Variants in DNAI1 observed in about 807,000 individuals in gnomAD.
DNAI1 encodes the protein dynein axonemal intermediate chain 1.
DNAI1 carries 67 observed loss-of-function variants against 92.0 expected under a neutral mutation model. That is an observed-to-expected ratio of 0.73 (90% CI 0.60 to 0.89). The LOEUF (loss-of-function observed/expected upper bound fraction) is 0.89, where lower values mean the gene tolerates loss of function less well. Ranked by LOEUF, DNAI1 falls within the 40% of genes least tolerant of loss-of-function variation. DNAI1 has a pLI of 0.00. For synonymous variants in DNAI1, 323 were observed against 319.6 expected (o/e 1.01, Z -0.11); for missense variants, 839 against 866.6 (o/e 0.97, Z 0.40).
chr9:34,477,904 GTCTC>G (rs753773420), intron 1 of DNAI1, among the ~76,000 whole-genome samples: 1,648 of 102,126 alleles, frequency 0.016, 80 homozygotes, highest in African/African-American at 0.04. Context: ...CCAAGACCCT[GTCTC>G]TCTCTCTCTC....
chr9:34,517,575 C>A, intron 19 of DNAI1, 108 bp downstream of exon 19: 1 of 1,313,594 alleles, frequency 7.6e-7, no homozygotes, highest in Non-Finnish European at 1.1e-6. Flanking sequence ...ATGTGGGAGA[C>A]CCAGGGTAAG....
chr9:34,472,111 G>A (rs985811886), intron 1 of DNAI1, among the ~76,000 whole-genome samples: 2 of 152,182 alleles, frequency 1.3e-5, no homozygotes, highest in Non-Finnish European at 2.9e-5. Context: ...ATGGCAGACT[G>A]CATGGAATAA....
chr9:34,471,224 C>T (rs368932637), intron 1 of DNAI1, among the ~76,000 whole-genome samples: 6 of 147,282 alleles, frequency 4.1e-5, no homozygotes, highest in East Asian at 4.1e-4. Context: ...CCCAAGAGTT[C>T]GAGACCAGAC....
chr9:34,504,327 C>T (rs556135968), intron 12 of DNAI1, among the ~76,000 whole-genome samples: 76 of 152,330 alleles, frequency 5.0e-4, no homozygotes, highest in African/African-American at 1.5e-3. Context: ...TTGTCAGCTT[C>T]ACTAATTAAG....
At chr9:34,515,388 TGCC>T (rs1462513918) in intron 18 of DNAI1, among the ~76,000 whole-genome samples, 1 of 152,212 alleles carries the variant, frequency 6.6e-6, no homozygotes, top group Non-Finnish European at 1.5e-5. Flanking sequence ...CCAACGATGG[TGCC>T]CAGCTCTAGG....
chr9:34,492,514 A>ATATATATATATATATATT (rs1824627501), intron 8 of DNAI1, among the ~76,000 whole-genome samples: 1 of 117,162 alleles, frequency 8.5e-6, no homozygotes, highest in African/African-American at 3.2e-5. Context: ...ATATATATAT[A>ATATATATATATATATATT]TATATATATA....
chr9:34,464,503 C>A (rs72735228), intron 1 of DNAI1, among the ~76,000 whole-genome samples: 7,510 of 151,508 alleles, frequency 0.05, 276 homozygotes, highest in Non-Finnish European at 0.065. Flanking sequence ...CCAAATCAAT[C>A]CCCACAACCT....
intron 1 of DNAI1, among the ~76,000 whole-genome samples, chr9:34,479,583 G>A (rs759110136): frequency 8.5e-5 from 13 of 152,116 alleles, no homozygotes; most frequent in African/African-American, 1.9e-4. Flanking sequence ...AGGGGGCAGC[G>A]GTAACTGGAT....
At chr9:34,513,074 G>A in intron 15 of DNAI1, 38 bp from the exon 16 acceptor site, 1 of 1,573,142 alleles carries the variant, frequency 6.4e-7, no homozygotes, top group Non-Finnish European at 8.7e-7. Flanking sequence ...CCTCCCTCTT[G>A]GAACTGGGCT....
Position 34,490,081 on chromosome 9 carries a change from T to C in DNAI1, c.458T>C (p.Leu153Ser). Residue 153 changes from leucine to serine, a missense_variant, in exon 6 of 20, where the codon TTA becomes TCA. Transcript: ENST00000242317. ...NLEEDEEPKE[L>S]ETEPGSQTDV... ...GAAGAAGACGAAGAGCCCAAGGAGT[T>C]AGAAACTGAGCCTGGGAGTCAAACA... 1 of 1,614,030 alleles carries C rather than the reference T, an allele frequency of 6.2e-7. No homozygotes were observed. Among genetic ancestry groups the C allele is most frequent in the East Asian group, 2.2e-5 (1 of 44,860 alleles).
intron 18 of DNAI1, among the ~76,000 whole-genome samples, chr9:34,516,210 A>C (rs1825168548): frequency 6.6e-6 from 1 of 152,124 alleles, no homozygotes; most frequent in African/African-American, 2.4e-5. Flanking sequence ...CAGGAAGGCA[A>C]GTGTGGTTGG....
At chr9:34,459,946 G>A (rs1348151718) in intron 1 of DNAI1, among the ~76,000 whole-genome samples, 5 of 152,170 alleles carry the variant, frequency 3.3e-5, no homozygotes, top group Non-Finnish European at 5.9e-5. Flanking sequence ...AGAGGAAGAG[G>A]AGAGAGGCCC....
At chr9:34,462,678 G>A (rs1823972162) in intron 1 of DNAI1, among the ~76,000 whole-genome samples, 1 of 152,214 alleles carries the variant, frequency 6.6e-6, no homozygotes, top group African/African-American at 2.4e-5. Context: ...ACAAGGAAAT[G>A]TAACTGTGTA....
chr9:34,465,412 A>G (rs1414577222), intron 1 of DNAI1, among the ~76,000 whole-genome samples: 1 of 152,218 alleles, frequency 6.6e-6, no homozygotes, highest in Non-Finnish European at 1.5e-5. Flanking sequence ...AGCAGCAGAA[A>G]GCTGAGACAG....
intron 10 of DNAI1, among the ~76,000 whole-genome samples, chr9:34,498,098 A>C (rs1424705680): frequency 6.6e-6 from 1 of 152,108 alleles, no homozygotes. Context: ...GCAGAGGTGG[A>C]GGTGAGGCTC....
intron 1 of DNAI1, among the ~76,000 whole-genome samples, chr9:34,460,724 G>A (rs1484198605): frequency 6.6e-6 from 1 of 152,110 alleles, no homozygotes; most frequent in African/African-American, 2.4e-5. Context: ...GTGCAGTGGC[G>A]CAATCTAGGT....
At chr9:34,518,581 A>G (rs1564045006) in intron 19 of DNAI1, among the ~76,000 whole-genome samples, 1 of 152,256 alleles carries the variant, frequency 6.6e-6, no homozygotes, top group Non-Finnish European at 1.5e-5. Context: ...TGCTGAGCCC[A>G]GCTAGTTGGC....
At chr9:34,520,524 G>A (rs1284662807) in intron 19 of DNAI1, 134 bp from the exon 20 acceptor site, 4 of 799,936 alleles carry the variant, frequency 5.0e-6, no homozygotes, top group Non-Finnish European at 8.6e-6. Flanking sequence ...GGAGAGGGGA[G>A]GCAGGGATCC....
chr9:34,517,895 C>T (rs948863253), intron 19 of DNAI1, among the ~76,000 whole-genome samples: 1 of 152,146 alleles, frequency 6.6e-6, no homozygotes, highest in African/African-American at 2.4e-5. Context: ...TGTGGGTCTA[C>T]ACAGAGAGGA....
Sources: allele counts gnomAD v4.1 joint callset (sites outside exome capture counted in the v4.1 genomes callset), GRCh38; gene constraint gnomAD v4.1.1; transcripts MANE v1.5; gene names NCBI Gene and HGNC (gene_info 2026-07-23, HGNC 2026-07-21).